The following RGS6 variants were observed in gnomAD, a reference collection of about 807,000 sequenced individuals.
RGS6 encodes regulator of G-protein signaling 6.
Under a neutral mutation model 78.5 loss-of-function variants are expected in RGS6, and 30 were observed. The observed-to-expected ratio is 0.38, with a 90% CI of 0.29 to 0.52. The LOEUF (loss-of-function observed/expected upper bound fraction) is 0.52. Among genes scored for constraint, RGS6 ranks in the 20% least tolerant of loss-of-function variants. RGS6 has a pLI of 0.85. For missense variants in RGS6, 495 were observed against 609.7 expected, an observed-to-expected ratio of 0.81 and a Z score of 1.98; for synonymous variants, 206 against 206.0, an observed-to-expected ratio of 1.00 and a Z score of 0.00.
At chr14:72,322,543 C>T (rs1207198812) in intron 2 of RGS6, among the ~76,000 whole-genome samples, 1 of 152,042 alleles carries the variant, frequency 6.6e-6, no homozygotes, top group Non-Finnish European at 1.5e-5. Flanking sequence ...GGTTATTTTT[C>T]TGAAGCTAGC....
At position 72,316,571 on chromosome 14, in the gene RGS6, CT is replaced by C. The variant is rs534941470; in HGVS notation, c.85-35518del. 1.2e-3 allele frequency among the ~76,000 whole-genome samples: 180 copies of C among 152,238 alleles called. 1 individual carries two copies. Among genetic ancestry groups the C allele is most frequent in the African/African-American group, 4.0e-3 (166 of 41,536 alleles). ...TCCCTACAAACGGCATGAACTCATC[CT>C]TTTTTATGGCTGCATAGTATTCCAT... is the stretch of plus-strand genomic sequence containing the variant. On this transcript the variant is annotated intron_variant, in intron 2 of 17. Transcript: ENST00000553525.
chr14:71,958,822 A>AC (rs1337735043), intron 1 of RGS6, among the ~76,000 whole-genome samples: 1 of 152,178 alleles, frequency 6.6e-6, no homozygotes, highest in Non-Finnish European at 1.5e-5. Context: ...ATCTCCAGGG[A>AC]CCACCCTAGG....
At chr14:72,317,858 A>C (rs1454488834) in intron 2 of RGS6, among the ~76,000 whole-genome samples, 1 of 152,214 alleles carries the variant, frequency 6.6e-6, no homozygotes. Context: ...AAGTAGTATT[A>C]ACTTACACGA....
chr14:72,315,909 A>G (rs539249816), intron 2 of RGS6, among the ~76,000 whole-genome samples: 1 of 152,280 alleles, frequency 6.6e-6, no homozygotes, highest in South Asian at 2.1e-4. Context: ...CCCCCACTCT[A>G]TCTTGTCTAC....
At chr14:72,325,459 T>A (rs762758876) in intron 2 of RGS6, among the ~76,000 whole-genome samples, 59 of 151,436 alleles carry the variant, frequency 3.9e-4, no homozygotes, top group Non-Finnish European at 7.5e-4. Context: ...ATTGCCTAGG[T>A]TTTCTTCTAG....
chr14:72,140,758 C>G (rs929103397), intron 2 of RGS6, among the ~76,000 whole-genome samples: 1 of 152,208 alleles, frequency 6.6e-6, no homozygotes, highest in African/African-American at 2.4e-5. Flanking sequence ...GTGCTGGTTG[C>G]TTGTCTTGGC....
intron 2 of RGS6, among the ~76,000 whole-genome samples, chr14:72,140,565 A>G (rs1016822372): frequency 6.6e-6 from 1 of 152,214 alleles, no homozygotes; most frequent in Non-Finnish European, 1.5e-5. Context: ...ACTGATTGTT[A>G]TAAGTGAAAA....
At chr14:72,084,973 T>C (rs2094967148) in intron 2 of RGS6, among the ~76,000 whole-genome samples, 1 of 152,206 alleles carries the variant, frequency 6.6e-6, no homozygotes, top group Admixed American at 6.5e-5. Flanking sequence ...TGGCCACAGC[T>C]TGGATTTATT....
At chr14:72,628,883 A>C in the RGS6 span, among the ~76,000 whole-genome samples, 1 of 152,236 alleles carries the variant, frequency 6.6e-6, no homozygotes, top group African/African-American at 2.4e-5. Context: ...AAAGAGAATA[A>C]GATGGAGGGA....
chr14:72,323,336 A>G (rs1432724676), intron 2 of RGS6, among the ~76,000 whole-genome samples: 1 of 152,082 alleles, frequency 6.6e-6, no homozygotes, highest in Non-Finnish European at 1.5e-5. Flanking sequence ...TTTAAATGCT[A>G]CTGAGAAACA....
chr14:72,426,504 G>C (rs2094440257), intron 3 of RGS6, among the ~76,000 whole-genome samples: 2 of 152,230 alleles, frequency 1.3e-5, no homozygotes, highest in South Asian at 4.1e-4. Context: ...AAGTAGGAAA[G>C]ATACATTTAT....
chr14:72,534,207 C>T (rs578234880), intron 15 of RGS6, among the ~76,000 whole-genome samples: 1 of 152,364 alleles, frequency 6.6e-6, no homozygotes, highest in East Asian at 1.9e-4. Flanking sequence ...AGGATTATGA[C>T]TCACCAAAGG....
chr14:72,154,757 C>A (rs1271755260), intron 2 of RGS6, among the ~76,000 whole-genome samples: 1 of 152,204 alleles, frequency 6.6e-6, no homozygotes, highest in Admixed American at 6.5e-5. Flanking sequence ...ATGCCTGTCC[C>A]CAGTGGTTCT....
chr14:72,593,990 A>G, the RGS6 span, among the ~76,000 whole-genome samples: 89 of 152,006 alleles, frequency 5.9e-4, 1 homozygote, highest in African/African-American at 2.0e-3. Context: ...AAGCCTCACA[A>G]TGGGTTGGTG....
chr14:72,325,245 G>A (rs2073387673), intron 2 of RGS6, among the ~76,000 whole-genome samples: 1 of 152,144 alleles, frequency 6.6e-6, no homozygotes, highest in Non-Finnish European at 1.5e-5. Context: ...TGTAGATTCT[G>A]GATATTAGCC....
chr14:72,370,975 C>T (rs1272502354), intron 3 of RGS6, among the ~76,000 whole-genome samples: 1 of 152,128 alleles, frequency 6.6e-6, no homozygotes, highest in African/African-American at 2.4e-5. Context: ...TTCTTGTTGT[C>T]CTTAAAAGCT....
In RGS6 at chr14:72,341,216, C is replaced by T. The variant is rs372907598; in HGVS notation, c.85-10879C>T. On this transcript the variant is annotated intron_variant, in intron 2 of 17. Transcript: ENST00000553525. Reference sequence around the variant, plus strand: ...CAGTCATAGTGGAAGGCAAAGAGGACGAAGTCATGTCTTACATATCTGCAG... The same window carrying T: ...CAGTCATAGTGGAAGGCAAAGAGGATGAAGTCATGTCTTACATATCTGCAG... 3.9e-4 allele frequency among the ~76,000 whole-genome samples: 59 copies of T among 152,074 alleles called. No homozygotes were observed. The East Asian group carries it at 7.7e-3, about 20-fold the overall frequency.
chr14:71,929,725 T>G (rs964693847), upstream of RGS6, among the ~76,000 whole-genome samples: 1 of 152,208 alleles, frequency 6.6e-6, no homozygotes, highest in Non-Finnish European at 1.5e-5. Flanking sequence ...GGTTGCCAAA[T>G]GGTGGTTTTC....
At chr14:72,431,537 T>TTA (rs1388436127) in intron 3 of RGS6, among the ~76,000 whole-genome samples, 2 of 150,950 alleles carry the variant, frequency 1.3e-5, no homozygotes, top group African/African-American at 4.9e-5. Flanking sequence ...TTATTTTATT[T>TTA]TATTTTATTT....
Sources: gnomAD v4.1 joint callset for allele counts (sites outside exome capture counted in the v4.1 genomes callset) on GRCh38, gnomAD v4.1.1 for gene constraint, MANE v1.5 for transcripts, NCBI Gene and HGNC (gene_info 2026-07-23, HGNC 2026-07-21) for gene names.